Variants in RMC1 observed in about 807,000 individuals in gnomAD.
The protein encoded by RMC1 is regulator of MON1-CCZ1, also known as regulator of MON1-CCZ1 complex.
RMC1 carries 44 observed loss-of-function variants against 95.5 expected under a neutral mutation model. The observed-to-expected ratio is 0.46, with a 90% CI of 0.36 to 0.59. The LOEUF is 0.59. Among genes scored for constraint, RMC1 ranks in the 20% least tolerant of loss-of-function variants. RMC1 has a pLI of 0.00. For missense variants in RMC1, 705 were observed against 819.6 expected (o/e 0.86, Z 1.71); for synonymous variants, 320 against 303.6 (o/e 1.05, Z -0.56).
chr18:23,531,734 G>T lies in RMC1; in HGVS notation c.*30G>T, dbSNP rs777726809. Reference sequence around the variant, plus strand: ...ACTTGCTGTTTTTTTATATAAAAATGTGTACAAAGTTAATTTATTGCATTA... The same window carrying T: ...ACTTGCTGTTTTTTTATATAAAAATTTGTACAAAGTTAATTTATTGCATTA... On this transcript the variant is annotated 3_prime_UTR_variant, in exon 20 of 20. Transcript: ENST00000269221. The T allele has an allele frequency of 1.3e-6, 2 of 1,592,596 alleles. No homozygotes were observed. Among genetic ancestry groups the T allele is most frequent in the Admixed American group, 1.9e-5 (1 of 53,708 alleles).
In RMC1 at chr18:23,518,918, A is replaced by C; in HGVS notation, c.682A>C (p.Arg228=). 6.2e-7 allele frequency: 1 copy of C among 1,614,096 alleles called. No individual in the cohort carries two copies. The highest frequency in any genetic ancestry group is 1.3e-5 in the African/African-American group (1 of 75,034). The change falls in exon 8 of 20, where the codon AGG becomes CGG. Residue 228 remains arginine, a synonymous_variant. Transcript: ENST00000269221. Reference sequence around the variant, plus strand: ...CGGGCAGCTGTATGTTCTCTTCTTGAGGCATCATTCTCGGACCTCCAACAG... The same window carrying C: ...CGGGCAGCTGTATGTTCTCTTCTTGCGGCATCATTCTCGGACCTCCAACAG... ...IYGQLYVLFL[R]HHSRTSNSTG...
At chr18:23,511,123 A>G (rs2057846736) in intron 5 of RMC1, among the ~76,000 whole-genome samples, 1 of 152,268 alleles carries the variant, frequency 6.6e-6, no homozygotes, top group Non-Finnish European at 1.5e-5. Context: ...TGGTACATAT[A>G]TACCATGGAA....
At chr18:23,526,161 T>A (rs2058292798) in intron 12 of RMC1, among the ~76,000 whole-genome samples, 1 of 152,198 alleles carries the variant, frequency 6.6e-6, no homozygotes, top group Non-Finnish European at 1.5e-5. Context: ...TCAGTACATT[T>A]ATGGGTCGAT....
intron 13 of RMC1, among the ~76,000 whole-genome samples, chr18:23,527,033 TCA>T (rs2058317688): frequency 1.3e-5 from 2 of 152,066 alleles, no homozygotes; most frequent in Non-Finnish European, 2.9e-5. Context: ...CCCCTGGCCT[TCA>T]CACACACCTC....
At chr18:23,520,439 A>T in intron 10 of RMC1, 126 bp downstream of exon 10, 1 of 803,000 alleles carries the variant, frequency 1.2e-6, no homozygotes, top group Non-Finnish European at 1.9e-6. Flanking sequence ...GATCTGTCTG[A>T]TTTTGCCAGG....
At chr18:23,508,123 C>A in intron 4 of RMC1, 82 bp downstream of exon 4, 1 of 1,258,226 alleles carries the variant, frequency 7.9e-7, no homozygotes, top group South Asian at 1.8e-5. Flanking sequence ...GCATTGGGGT[C>A]GCAGGGAGCA....
chr18:23,530,288 C>T lies in RMC1; in HGVS notation c.1659C>T (p.Asp553=), dbSNP rs1229846078. The T allele has an allele frequency of 6.2e-7, 1 of 1,614,218 alleles. No individual in the cohort carries two copies. The highest frequency in any genetic ancestry group is 2.2e-5 in the East Asian group (1 of 44,892). The change falls in exon 18 of 20, where the codon GAC becomes GAT. Residue 553 remains aspartate (D), a synonymous_variant. Transcript: ENST00000269221. The stretch of plus-strand genomic sequence containing the variant: ...CTCCTGCTCATCAGCTATCTCTGGA[C>T]ATGCTGAAGGTAACTCTGATGTGTG... ...FYPPAHQLSL[D]MLKRLSTAND... is the part of the protein sequence containing the mutation.
Position 23,503,572 on chromosome 18 carries a change from C to T in RMC1, c.-47C>T, listed in dbSNP as rs758326327. ...GGGCTCCACCGCGCATCCTGCTCCA[C>T]TCTGGCGACCGCCCCCGGGGCCCCC... On this transcript the variant is annotated 5_prime_UTR_variant, in exon 1 of 20. Transcript: ENST00000269221. 4 of 1,454,752 alleles carry T rather than the reference C, an allele frequency of 2.7e-6. No individual in the cohort carries two copies. The highest frequency in any genetic ancestry group is 2.1e-5 in the Admixed American group (1 of 47,842). 90.1% of individuals were successfully genotyped at this position (1,454,752 alleles called of 1,614,324 possible).
intron 19 of RMC1, 108 bp downstream of exon 19, chr18:23,530,720 C>A (rs1391724213): frequency 1.9e-6 from 2 of 1,029,652 alleles, no homozygotes; most frequent in Non-Finnish European, 2.8e-6. Flanking sequence ...GTAAACAACA[C>A]AATTTGATAA....
Position 23,529,643 on chromosome 18 carries a change from T to A in RMC1, c.1425T>A (p.Pro475=). The A allele has an allele frequency of 6.2e-7, 1 of 1,614,116 alleles. No individual in the cohort carries two copies. The highest frequency in any genetic ancestry group is 8.5e-7 in the Non-Finnish European group (1 of 1,179,942). Residue 475 remains proline, a synonymous_variant, in exon 16 of 20, where the codon CCT becomes CCA. Coordinates refer to ENST00000269221, the MANE Select transcript of RMC1 (RefSeq NM_013326.5). ...LSAFVEKKEM[P]HKFVIAVLME... ...CATTTTTTTCTCCCTAGGAGATGCC[T>A]CATAAATTTGTGATAGCCGTGCTGA...
chr18:23,515,313 C>A (rs948830897), intron 5 of RMC1, among the ~76,000 whole-genome samples: 3 of 152,144 alleles, frequency 2.0e-5, no homozygotes, highest in African/African-American at 7.2e-5. Flanking sequence ...ACTCTTGGAG[C>A]CTTGTTTCTC....
At chr18:23,508,443 A>G (rs1011556369) in intron 4 of RMC1, among the ~76,000 whole-genome samples, 5 of 151,854 alleles carry the variant, frequency 3.3e-5, no homozygotes, top group Non-Finnish European at 5.9e-5. Context: ...CCTTTCCTCA[A>G]TTTGTTGTCT....
intron 1 of RMC1, among the ~76,000 whole-genome samples, 157 bp downstream of exon 1, chr18:23,503,877 G>A (rs139017819): frequency 1.3e-5 from 2 of 152,172 alleles, no homozygotes; most frequent in Middle Eastern, 3.4e-3. Flanking sequence ...TGTTGGGTGG[G>A]CTCAGCCGCG....
chr18:23,517,150 T>C (rs1192719021), intron 7 of RMC1, among the ~76,000 whole-genome samples: 2 of 152,094 alleles, frequency 1.3e-5, no homozygotes, highest in Non-Finnish European at 2.9e-5. Flanking sequence ...TCTTTTACTT[T>C]TTTTTTTTGT....
In RMC1 at chr18:23,526,650, C is replaced by T; in HGVS notation, c.1074C>T (p.Asn358=). Residue 358 remains asparagine (N), a synonymous_variant, in exon 13 of 20, where the codon AAC becomes AAT. Coordinates refer to ENST00000269221, the MANE Select transcript of RMC1 (RefSeq NM_013326.5). ...IISASQGYLW[N]LQVKLEPIVN... ...CTTAAAATCCAGGTTACCTCTGGAA[C>T]CTCCAAGTGAAACTTGAGCCCATAG... The T allele has an allele frequency of 5.6e-6, 9 of 1,613,986 alleles. No homozygotes were observed. Among genetic ancestry groups the T allele is most frequent in the Non-Finnish European group, 6.8e-6 (8 of 1,179,934 alleles).
chr18:23,504,334 A>G, intron 1 of RMC1, 37 bp from the exon 2 acceptor site: 2 of 1,588,538 alleles, frequency 1.3e-6, no homozygotes, highest in Non-Finnish European at 1.7e-6. Flanking sequence ...ATCCTTTCAG[A>G]GTTCAGGCTG....
At position 23,524,162 on chromosome 18, in the gene RMC1, C is replaced by T; in HGVS notation, c.994C>T (p.Pro332Ser). ...TGCCGTGACCAGCCAGTCTCCTGTTCCATGTAAACTCTGTATCCTTTACTA... is the reference window on the plus strand; with the variant it reads ...TGCCGTGACCAGCCAGTCTCCTGTTTCATGTAAACTCTGTATCCTTTACTA... Reference protein sequence around the residue: ...PAAVTSQSPVPCKLYSSSWIV... With the variant: ...PAAVTSQSPVSCKLYSSSWIV... The change falls in exon 11 of 20, where the codon CCA becomes TCA. Residue 332 changes from proline (P) to serine (S), a missense_variant. Transcript: ENST00000269221. The T allele has an allele frequency of 4.3e-6, 7 of 1,613,940 alleles. No individual in the cohort carries two copies. Among genetic ancestry groups the T allele is most frequent in the Non-Finnish European group, 5.9e-6 (7 of 1,180,044 alleles).
At chr18:23,504,303 C>T (rs2057661420) in intron 1 of RMC1, 68 bp from the exon 2 acceptor site, 4 of 1,331,144 alleles carry the variant, frequency 3.0e-6, no homozygotes, top group Non-Finnish European at 4.3e-6. Context: ...TAATCGCTTG[C>T]GGGTTGGCTT....
Position 23,515,990 on chromosome 18 carries a change from C to G in RMC1, c.543C>G (p.His181Gln), listed in dbSNP as rs776864076. ...TVLENVLQPF[H>Q]FRAGTMSKLP... Reference sequence around the variant, plus strand: ...TGGAGAATGTCCTGCAGCCTTTTCACTTTAGGGTAAGAGGAAGCCTCCCCT... The same window carrying G: ...TGGAGAATGTCCTGCAGCCTTTTCAGTTTAGGGTAAGAGGAAGCCTCCCCT... Residue 181 changes from histidine to glutamine, a missense_variant, in exon 6 of 20, where the codon CAC (histidine) becomes CAG (glutamine). Transcript: ENST00000269221. 3.1e-6 allele frequency: 5 copies of G among 1,614,120 alleles called. No individual in the cohort carries two copies. The highest frequency in any genetic ancestry group is 4.2e-6 in the Non-Finnish European group (5 of 1,180,022).
Sources: gnomAD v4.1 joint callset for allele counts (sites outside exome capture counted in the v4.1 genomes callset) on GRCh38, gnomAD v4.1.1 for gene constraint, MANE v1.5 for transcripts, NCBI Gene and HGNC (gene_info 2026-07-23, HGNC 2026-07-21) for gene names.